Variants in BLNK observed in about 807,000 individuals in gnomAD.
BLNK encodes the protein B cell linker.
In BLNK, 29 loss-of-function variants were observed where a neutral mutation model predicts 73.5. That is an observed-to-expected ratio of 0.39 (90% CI 0.29 to 0.54). The LOEUF (loss-of-function observed/expected upper bound fraction) is 0.54. Among genes scored for constraint, BLNK ranks in the 20% least tolerant of loss-of-function variants. The pLI is 0.61. For synonymous variants in BLNK, 176 were observed against 200.8 expected, an observed-to-expected ratio of 0.88 and a Z score of 1.04; for missense variants, 460 against 562.8, an observed-to-expected ratio of 0.82 and a Z score of 1.85.
At chr10:96,240,376 C>T (rs1335755415) in intron 3 of BLNK, among the ~76,000 whole-genome samples, 1 of 152,128 alleles carries the variant, frequency 6.6e-6, no homozygotes, top group Non-Finnish European at 1.5e-5. Flanking sequence ...CTTCTTAATT[C>T]TCTCCTTTGA....
rs1554893600 is a variant in BLNK, at chr10:96,192,112, A to G, written c.1252-20T>C. ...AAAGTACTAGAGGAAGAAAACATAG[A>G]TGAATTATACTTTGGCATTTGTGTT... On this transcript the variant is annotated intron_variant, in intron 16 of 16. Coordinates refer to ENST00000224337, the MANE Select transcript of BLNK (RefSeq NM_013314.4). 2.5e-6 allele frequency: 4 copies of G among 1,613,180 alleles called. No homozygotes were observed. Among genetic ancestry groups the G allele is most frequent in the Non-Finnish European group, 3.4e-6 (4 of 1,179,538 alleles).
Position 96,201,023 on chromosome 10 carries a change from G to A in BLNK, c.970C>T (p.Pro324Ser), listed in dbSNP as rs2083618670. Residue 324 changes from proline (P) to serine (S), a missense_variant, in exon 14 of 17, where the codon CCC (proline) becomes TCC (serine). Pro to Ser is a moderately conservative substitution (Grantham distance 74, BLOSUM62 -1). Transcript: ENST00000224337. ...GAATTAGATGAAAAGCTGGGTAGGG[G>A]CCCATCCACAGTTGGGTTTCCCCCT... is the stretch of plus-strand genomic sequence containing the variant. ...TEGGNPTVDG[P>S]LPSFSSNSTI... The A allele has an allele frequency of 1.2e-6, 2 of 1,614,100 alleles. No individual in the cohort carries two copies. The highest frequency in any genetic ancestry group is 1.1e-5 in the South Asian group (1 of 91,078).
intron 1 of BLNK, among the ~76,000 whole-genome samples, chr10:96,249,489 A>G (rs1488784664): frequency 3.3e-5 from 5 of 152,242 alleles, no homozygotes; most frequent in Non-Finnish European, 7.3e-5. Context: ...GGTCTGCTCT[A>G]TTGAGGGCAG....
intron 3 of BLNK, among the ~76,000 whole-genome samples, chr10:96,239,607 C>T (rs1471906916): frequency 6.6e-6 from 1 of 152,064 alleles, no homozygotes; most frequent in East Asian, 1.9e-4. Context: ...TGATGAAGGC[C>T]TTAGCTGTAG....
intron 1 of BLNK, among the ~76,000 whole-genome samples, chr10:96,254,731 G>C (rs573428882): frequency 2.0e-5 from 3 of 151,846 alleles, no homozygotes; most frequent in South Asian, 4.1e-4. Flanking sequence ...GGCTGGTCTC[G>C]AACTTCTGAC....
chr10:96,247,620 G>A (rs557517406), intron 1 of BLNK, among the ~76,000 whole-genome samples: 2 of 152,292 alleles, frequency 1.3e-5, no homozygotes, highest in Admixed American at 6.5e-5. Context: ...TGAATCAAAT[G>A]GAAAACCCCA....
chr10:96,192,081 A>C lies in BLNK; in HGVS notation c.1263T>G (p.Ser421Arg). 6.2e-7 allele frequency: 1 copy of C among 1,613,752 alleles called. No homozygotes were observed. The highest frequency in any genetic ancestry group is 8.5e-7 in the Non-Finnish European group (1 of 1,179,774). Reference protein sequence around the residue: ...RKKNGEEYFGSVAEIIRNHQH... With the variant: ...RKKNGEEYFGRVAEIIRNHQH... ...GATGATTCCTGATGATTTCAGCAAC[A>C]CTTCCAAAGTACTAGAGGAAGAAAA... is the stretch of plus-strand genomic sequence containing the variant. The change falls in exon 17 of 17, where the codon AGT becomes AGG. Residue 421 changes from serine to arginine, a missense_variant. Transcript: ENST00000224337.
At chr10:96,256,094 G>A (rs1843495095) in intron 1 of BLNK, among the ~76,000 whole-genome samples, 1 of 151,912 alleles carries the variant, frequency 6.6e-6, no homozygotes, top group African/African-American at 2.4e-5. Flanking sequence ...CACTTTGGGA[G>A]GCTGAGGAGG....
intron 3 of BLNK, among the ~76,000 whole-genome samples, chr10:96,235,019 T>G (rs994567319): frequency 6.6e-6 from 1 of 152,222 alleles, no homozygotes; most frequent in Non-Finnish European, 1.5e-5. Context: ...TGCCACACAA[T>G]AGAGGGACTC....
At position 96,223,897 on chromosome 10, in the gene BLNK, T is replaced by A; in HGVS notation, c.454A>T (p.Thr152Ser). 6.2e-7 allele frequency: 1 copy of A among 1,613,524 alleles called. No homozygotes were observed. Among genetic ancestry groups the A allele is most frequent in the African/African-American group, 1.3e-5 (1 of 74,914 alleles). Reference protein sequence around the residue: ...WPSEKARLTSTLPALTALQKP... With the variant: ...WPSEKARLTSSLPALTALQKP... ...TGCAAAGCAGTCAGGGCCGGCAGGG[T>A]GGAGGTGAGCCTTGCTTTCTCTGAA... The change falls in exon 6 of 17, where the codon ACC becomes TCC. Residue 152 changes from threonine to serine, a missense_variant. Physicochemically the swap from Thr to Ser is moderately conservative, Grantham distance 58. Transcript: ENST00000224337.
At chr10:96,240,184 C>T (rs1460473183) in intron 3 of BLNK, among the ~76,000 whole-genome samples, 2 of 152,160 alleles carry the variant, frequency 1.3e-5, no homozygotes, top group Non-Finnish European at 2.9e-5. Context: ...TCTGACTCCC[C>T]ACTAGTCATT....
chr10:96,227,673 T>G, intron 4 of BLNK, 107 bp from the exon 5 acceptor site: 1 of 1,551,388 alleles, frequency 6.4e-7, no homozygotes, highest in South Asian at 1.1e-5. Flanking sequence ...GAGACAAGGC[T>G]TGGAGAGGTT....
chr10:96,194,813 C>T (rs2083420611), intron 16 of BLNK, among the ~76,000 whole-genome samples: 1 of 127,840 alleles, frequency 7.8e-6, no homozygotes, highest in Admixed American at 1.0e-4. Context: ...CTCTGTCGCC[C>T]AGGCTGGAGT....
rs905754883 is a variant in BLNK, at chr10:96,246,930, A to G, written c.113+54T>C. 5.2e-6 allele frequency: 7 copies of G among 1,345,344 alleles called. No individual in the cohort carries two copies. The African/African-American group carries it at 1.0e-4, about 20-fold the overall frequency. The allele number at this position is 1,345,344 out of a possible 1,614,324, so 83.3% of individuals were successfully genotyped here. A position where few individuals can be genotyped will look rare whatever the true frequency, so the allele number is the denominator to read the frequency against. On this transcript the variant is annotated intron_variant, in intron 2 of 16. Coordinates refer to ENST00000224337, the MANE Select transcript of BLNK (RefSeq NM_013314.4). The stretch of plus-strand genomic sequence containing the variant: ...CAGAGAAATTTGTTTTCTTCCATGT[A>G]GCACATGTTGACTTATTTTATATAA...
At chr10:96,259,670 C>CTATTT (rs1843663108) in intron 1 of BLNK, among the ~76,000 whole-genome samples, 1 of 44,870 alleles carries the variant, frequency 2.2e-5, no homozygotes, top group Non-Finnish European at 3.7e-5. Context: ...CACACCCTAC[C>CTATTT]TTTTTTTTTT....
chr10:96,204,492 CA>C (rs2083743361), intron 12 of BLNK, 39 bp downstream of exon 12: 1 of 1,593,358 alleles, frequency 6.3e-7, no homozygotes, highest in Non-Finnish European at 8.6e-7. Flanking sequence ...ATTCCTGCAG[CA>C]ACAAGAGGAA....
chr10:96,231,448 T>C (rs1194440804), intron 3 of BLNK, among the ~76,000 whole-genome samples: 2 of 152,168 alleles, frequency 1.3e-5, no homozygotes, highest in Admixed American at 6.5e-5. Flanking sequence ...CGTTGGGGCT[T>C]ATGCCTGTAA....
intron 1 of BLNK, among the ~76,000 whole-genome samples, chr10:96,256,771 C>T (rs1554911283): frequency 6.7e-6 from 1 of 149,484 alleles, no homozygotes; most frequent in Non-Finnish European, 1.5e-5. Context: ...ATCCCAGCTA[C>T]TTGGGAGGCT....
chr10:96,254,280 A>G (rs1268903515), intron 1 of BLNK, among the ~76,000 whole-genome samples: 1 of 152,166 alleles, frequency 6.6e-6, no homozygotes, highest in Non-Finnish European at 1.5e-5. Context: ...AATTTTAGTC[A>G]ATGGTATGAT....
Sources: gnomAD v4.1 joint callset for allele counts (sites outside exome capture counted in the v4.1 genomes callset) on GRCh38, gnomAD v4.1.1 for gene constraint, MANE v1.5 for transcripts, NCBI Gene and HGNC (gene_info 2026-07-23, HGNC 2026-07-21) for gene names.